Variants in SLC44A5 observed in about 807,000 individuals in gnomAD.
SLC44A5 encodes solute carrier family 44 member 5, also known as choline transporter-like protein 5.
A neutral mutation model predicts 101.8 loss-of-function variants in SLC44A5; 57 were observed. That is an observed-to-expected ratio of 0.56 (90% CI 0.45 to 0.70). The LOEUF (loss-of-function observed/expected upper bound fraction) is 0.70, where lower values mean the gene tolerates loss of function less well. Among genes scored for constraint, SLC44A5 ranks in the 30% least tolerant of loss-of-function variants. The pLI is 0.00. For synonymous variants in SLC44A5, 281 were observed against 290.9 expected, an observed-to-expected ratio of 0.97 and a Z score of 0.35; for missense variants, 737 against 853.1, an observed-to-expected ratio of 0.86 and a Z score of 1.70.
chr1:75,696,661 C>T, the SLC44A5 span, among the ~76,000 whole-genome samples: 5 of 151,998 alleles, frequency 3.3e-5, no homozygotes, highest in African/African-American at 7.2e-5. Context: ...TTTGGGAGGC[C>T]GAGGCGGGGA....
chr1:75,511,481 C>T (rs1299955780), intron 2 of SLC44A5, among the ~76,000 whole-genome samples: 1 of 151,862 alleles, frequency 6.6e-6, no homozygotes. Flanking sequence ...AATTTTTATC[C>T]AAAAAAACTA....
At chr1:75,434,191 C>A (rs1400101953) in intron 2 of SLC44A5, among the ~76,000 whole-genome samples, 1 of 152,088 alleles carries the variant, frequency 6.6e-6, no homozygotes, top group Non-Finnish European at 1.5e-5. Context: ...TAGTTAGAAA[C>A]TTGAGTGATT....
At chr1:75,707,534 A>T in the SLC44A5 span, among the ~76,000 whole-genome samples, 2 of 152,250 alleles carry the variant, frequency 1.3e-5, no homozygotes, top group South Asian at 4.1e-4. Flanking sequence ...GCCTTCAGCT[A>T]TTCTCCCCCA....
intron 2 of SLC44A5, among the ~76,000 whole-genome samples, chr1:75,448,472 C>T (rs917387263): frequency 1.3e-5 from 2 of 152,186 alleles, no homozygotes; most frequent in African/African-American, 4.8e-5. Context: ...ACCTGTGCAG[C>T]TCAAACTCAG....
chr1:75,545,718 A>T (rs1270135810), intron 1 of SLC44A5, among the ~76,000 whole-genome samples: 1 of 152,126 alleles, frequency 6.6e-6, no homozygotes, highest in Non-Finnish European at 1.5e-5. Flanking sequence ...TAGCTTATTG[A>T]TTATTCTTCT....
chr1:75,534,223 T>G (rs1163797870), intron 2 of SLC44A5, among the ~76,000 whole-genome samples: 1 of 152,168 alleles, frequency 6.6e-6, no homozygotes, highest in Non-Finnish European at 1.5e-5. Context: ...GTGATTTACC[T>G]TTTGCAAATC....
intron 6 of SLC44A5, among the ~76,000 whole-genome samples, chr1:75,251,798 CAT>C (rs1417560508): frequency 1.3e-5 from 2 of 152,094 alleles, no homozygotes; most frequent in Non-Finnish European, 2.9e-5. Context: ...TCTGAAAAAA[CAT>C]AAATGAATTA....
intron 2 of SLC44A5, among the ~76,000 whole-genome samples, chr1:75,541,116 G>A (rs1257467118): frequency 6.6e-6 from 1 of 152,130 alleles, no homozygotes; most frequent in Admixed American, 6.6e-5. Flanking sequence ...TGGAGAAAGG[G>A]AACAGTTTCA....
At chr1:75,583,773 T>A (rs1474804452) in intron 1 of SLC44A5, among the ~76,000 whole-genome samples, 1 of 152,180 alleles carries the variant, frequency 6.6e-6, no homozygotes, top group Non-Finnish European at 1.5e-5. Flanking sequence ...TACCATTTTG[T>A]AGATGACCAT....
intron 2 of SLC44A5, among the ~76,000 whole-genome samples, chr1:75,487,867 T>C (rs561915434): frequency 5.1e-4 from 78 of 152,212 alleles, no homozygotes; most frequent in African/African-American, 1.9e-3. Flanking sequence ...CAGTGAGGGG[T>C]GAGCAGCAGG....
At chr1:75,391,119 A>C (rs1661757304) in intron 3 of SLC44A5, among the ~76,000 whole-genome samples, 1 of 152,190 alleles carries the variant, frequency 6.6e-6, no homozygotes, top group African/African-American at 2.4e-5. Flanking sequence ...TAAAATACCT[A>C]GGAATACATT....
At chr1:75,609,209 G>A (rs1182553900) in intron 1 of SLC44A5, among the ~76,000 whole-genome samples, 1 of 151,746 alleles carries the variant, frequency 6.6e-6, no homozygotes, top group Non-Finnish European at 1.5e-5. Context: ...AGGACTAACT[G>A]GGCTGGGAGG....
At chr1:75,542,502 C>T (rs1671410815) in intron 1 of SLC44A5, among the ~76,000 whole-genome samples, 1 of 151,838 alleles carries the variant, frequency 6.6e-6, no homozygotes, top group South Asian at 2.1e-4. Flanking sequence ...TTATTAAAAA[C>T]TCTCATCAAC....
intron 5 of SLC44A5, among the ~76,000 whole-genome samples, chr1:75,290,462 T>C (rs1414025353): frequency 1.3e-5 from 2 of 152,168 alleles, no homozygotes; most frequent in East Asian, 3.8e-4. Flanking sequence ...TTTCCACCCC[T>C]AGGCCTGAAG....
intron 6 of SLC44A5, among the ~76,000 whole-genome samples, chr1:75,263,855 T>C (rs1223946959): frequency 6.6e-6 from 1 of 152,082 alleles, no homozygotes; most frequent in African/African-American, 2.4e-5. Flanking sequence ...CTGGAAACCA[T>C]CATTCTCAGC....
At chr1:75,326,541 T>G (rs1410634754) in intron 4 of SLC44A5, among the ~76,000 whole-genome samples, 2 of 152,162 alleles carry the variant, frequency 1.3e-5, no homozygotes, top group Non-Finnish European at 2.9e-5. Flanking sequence ...AGACATGGTC[T>G]ACTAACCTGG....
intron 11 of SLC44A5, among the ~76,000 whole-genome samples, chr1:75,235,362 G>A (rs1002836004): frequency 3.6e-4 from 54 of 151,932 alleles, no homozygotes; most frequent in African/African-American, 1.2e-3. Context: ...CTTATGAGTG[G>A]TGCCTGGGTG....
At chr1:75,494,666 G>A (rs1259652172) in intron 2 of SLC44A5, among the ~76,000 whole-genome samples, 2 of 152,068 alleles carry the variant, frequency 1.3e-5, no homozygotes, top group East Asian at 3.9e-4. Context: ...ACCTTTATCT[G>A]ACAGCTGATG....
intron 4 of SLC44A5, among the ~76,000 whole-genome samples, chr1:75,329,318 A>T (rs975832646): frequency 2.0e-5 from 3 of 152,048 alleles, no homozygotes; most frequent in Non-Finnish European, 2.9e-5. Flanking sequence ...TCAGCATCTG[A>T]CCCCAAGAAC....
Sources: allele counts gnomAD v4.1 joint callset (sites outside exome capture counted in the v4.1 genomes callset), GRCh38; gene constraint gnomAD v4.1.1; transcripts MANE v1.5; gene names NCBI Gene and HGNC (gene_info 2026-07-23, HGNC 2026-07-21).